The following SLC49A4 variants were observed in gnomAD, a reference collection of about 807,000 sequenced individuals.
SLC49A4 encodes the protein disrupted in renal cancer protein 2.
In SLC49A4, 36 loss-of-function variants were observed where a neutral mutation model predicts 50.6. The observed-to-expected ratio is 0.71, with a 90% confidence interval of 0.55 to 0.94. SLC49A4 has a LOEUF of 0.94. Among genes scored for constraint, SLC49A4 ranks in the 40% least tolerant of loss-of-function variants. The probability of loss-of-function intolerance (pLI) is 0.00; values close to 1 mark genes in which losing one functional copy is unlikely to be tolerated. For missense variants in SLC49A4, 503 were observed against 605.7 expected (o/e 0.83, Z 1.78); for synonymous variants, 248 against 241.2 (o/e 1.03, Z -0.26).
intron 7 of SLC49A4, among the ~76,000 whole-genome samples, chr3:122,867,709 C>T (rs570028365): frequency 3.3e-5 from 5 of 152,280 alleles, no homozygotes; most frequent in African/African-American, 7.2e-5. Flanking sequence ...AGGCTAGGCA[C>T]GGTGGCTCAC....
At chr3:122,859,604 G>A (rs1304481502) in intron 6 of SLC49A4, among the ~76,000 whole-genome samples, 1 of 152,160 alleles carries the variant, frequency 6.6e-6, no homozygotes, top group Non-Finnish European at 1.5e-5. Context: ...ACCAGCACTT[G>A]GAGAGGCTGA....
In SLC49A4 at chr3:122,828,147, C is replaced by T. The variant is rs929076779; in HGVS notation, c.703+1082C>T. Among the ~76,000 whole-genome samples the T allele has an allele frequency of 1.5e-4, 23 of 152,294 alleles. 1 individual carries two copies. Among genetic ancestry groups the T allele is most frequent in the African/African-American group, 5.3e-4 (22 of 41,566 alleles). On this transcript the variant is annotated intron_variant, in intron 3 of 8. Transcript: ENST00000261038. ...CTTTTTTGTTCACTTATAAATTTCA[C>T]AAACATGTTTTGAACGCCTATGTAT... is the stretch of plus-strand genomic sequence containing the variant.
chr3:122,840,211 A>G (rs1403999343), intron 4 of SLC49A4, among the ~76,000 whole-genome samples: 1 of 152,152 alleles, frequency 6.6e-6, no homozygotes, highest in African/African-American at 2.4e-5. Context: ...AGAGTGGTAT[A>G]GTGGACTTTG....
intron 7 of SLC49A4, among the ~76,000 whole-genome samples, chr3:122,868,778 A>G (rs1383578160): frequency 6.6e-6 from 1 of 152,240 alleles, no homozygotes; most frequent in Non-Finnish European, 1.5e-5. Flanking sequence ...TTGTAATAGA[A>G]ACCTCTTGGT....
chr3:122,879,226 A>T (rs748403470), intron 8 of SLC49A4, 37 bp from the exon 9 acceptor site: 1 of 1,467,428 alleles, frequency 6.8e-7, no homozygotes, highest in South Asian at 1.1e-5. Flanking sequence ...CTGGTGATAC[A>T]TGAATGTTTA....
At chr3:122,857,330 C>T (rs1937002283) in intron 6 of SLC49A4, among the ~76,000 whole-genome samples, 1 of 148,532 alleles carries the variant, frequency 6.7e-6, no homozygotes, top group African/African-American at 2.5e-5. Flanking sequence ...ATGTTACTCT[C>T]TTAGGCAACT....
At position 122,880,313 on chromosome 3, in the gene SLC49A4, C is replaced by T. The variant is rs956763739; in HGVS notation, c.*935C>T. On this transcript the variant is annotated 3_prime_UTR_variant, in exon 9 of 9. Transcript: ENST00000261038. The stretch of plus-strand genomic sequence containing the variant: ...ATTTATCACATTGAAACTTTCAGCT[C>T]TGTCGAATGATTTCTGAATTACATC... 4.6e-5 allele frequency: 7 copies of T among 152,182 alleles called. No individual in the cohort carries two copies. The highest frequency in any genetic ancestry group is 1.7e-4 in the African/African-American group (7 of 41,434). 9.4% of individuals were successfully genotyped at this position (152,182 alleles called of 1,614,324 possible).
chr3:122,836,584 T>A (rs1190011022), intron 4 of SLC49A4, among the ~76,000 whole-genome samples: 1 of 152,126 alleles, frequency 6.6e-6, no homozygotes, highest in Non-Finnish European at 1.5e-5. Context: ...CAGCTCCTCT[T>A]TGAACCTCTG....
At chr3:122,823,571 C>T (rs112930375) in intron 2 of SLC49A4, among the ~76,000 whole-genome samples, 52 of 152,328 alleles carry the variant, frequency 3.4e-4, no homozygotes, top group African/African-American at 1.3e-3. Flanking sequence ...GCCTACCCAA[C>T]ACATGGTGAC....
At chr3:122,861,054 T>C (rs1490599695) in intron 7 of SLC49A4, among the ~76,000 whole-genome samples, 1 of 152,204 alleles carries the variant, frequency 6.6e-6, no homozygotes, top group African/African-American at 2.4e-5. Flanking sequence ...CATCGTTACA[T>C]CTGCTTCTGA....
intron 2 of SLC49A4, among the ~76,000 whole-genome samples, chr3:122,825,070 G>A (rs1388693531): frequency 6.6e-6 from 1 of 152,038 alleles, no homozygotes; most frequent in Admixed American, 6.6e-5. Context: ...TTGTTTGTTT[G>A]TTTTTGATTT....
intron 8 of SLC49A4, among the ~76,000 whole-genome samples, chr3:122,873,458 G>T (rs1322597953): frequency 6.6e-6 from 1 of 152,184 alleles, no homozygotes; most frequent in East Asian, 1.9e-4. Flanking sequence ...GGGATTACAG[G>T]CATGAGCCGC....
intron 7 of SLC49A4, among the ~76,000 whole-genome samples, chr3:122,872,125 T>A (rs963920625): frequency 6.6e-6 from 1 of 152,184 alleles, no homozygotes; most frequent in Admixed American, 6.5e-5. Context: ...AGGAGAAGAA[T>A]CCTTTTAATT....
rs746768705 is a variant in SLC49A4, at chr3:122,877,231, A to C, written c.1322-2032A>C. Among the ~76,000 whole-genome samples, 325 of 152,286 alleles carry C rather than the reference A, an allele frequency of 2.1e-3. 1 individual carries two copies. Among genetic ancestry groups the C allele is most frequent in the Non-Finnish European group, 2.0e-3 (138 of 68,028 alleles). On this transcript the variant is annotated intron_variant, in intron 8 of 8. Transcript: ENST00000261038. ...GTTTATGTGAATGGTTTTCAGCAGGAAAATGTAGAGGTTCCCCTATCTCTG... is the reference window on the plus strand; with the variant it reads ...GTTTATGTGAATGGTTTTCAGCAGGCAAATGTAGAGGTTCCCCTATCTCTG...
intron 8 of SLC49A4, among the ~76,000 whole-genome samples, chr3:122,877,095 A>C (rs558351685): frequency 6.6e-6 from 1 of 152,338 alleles, no homozygotes; most frequent in East Asian, 1.9e-4. Flanking sequence ...GTTCATCTAC[A>C]TCAGGGTCAG....
chr3:122,817,622 G>T (rs1936389834), intron 2 of SLC49A4, among the ~76,000 whole-genome samples: 1 of 151,526 alleles, frequency 6.6e-6, no homozygotes, highest in Non-Finnish European at 1.5e-5. Flanking sequence ...TTTGAGATGG[G>T]GTCTCATTCT....
intron 4 of SLC49A4, among the ~76,000 whole-genome samples, chr3:122,834,753 A>G (rs1247283131): frequency 6.6e-6 from 1 of 152,130 alleles, no homozygotes; most frequent in Non-Finnish European, 1.5e-5. Flanking sequence ...AATACAAAAG[A>G]TCAATAAAAC....
intron 8 of SLC49A4, among the ~76,000 whole-genome samples, chr3:122,874,114 G>A (rs1049388629): frequency 3.3e-5 from 5 of 152,164 alleles, no homozygotes; most frequent in African/African-American, 1.2e-4. Context: ...ATGGTCTCTA[G>A]GATATAACAA....
At chr3:122,841,493 T>G (rs889576257) in intron 4 of SLC49A4, among the ~76,000 whole-genome samples, 4 of 152,242 alleles carry the variant, frequency 2.6e-5, no homozygotes, top group African/African-American at 7.2e-5. Flanking sequence ...CACACTATAA[T>G]AATATCTTAG....
Sources: allele counts gnomAD v4.1 joint callset (sites outside exome capture counted in the v4.1 genomes callset), GRCh38; gene constraint gnomAD v4.1.1; transcripts MANE v1.5; gene names NCBI Gene and HGNC (gene_info 2026-07-23, HGNC 2026-07-21).